The following ETV7 variants were observed in gnomAD, a reference collection of about 807,000 sequenced individuals.
ETV7 encodes transcription factor ETV7.
A neutral mutation model predicts 39.1 loss-of-function variants in ETV7; 43 were observed. That is an observed-to-expected ratio of 1.10 (90% CI 0.86 to 1.42). The LOEUF is 1.42. Among genes scored for constraint, ETV7 ranks in the 40% most tolerant of loss-of-function variants. The pLI, the probability that ETV7 is intolerant of heterozygous loss-of-function variation, is 0.00. For missense variants in ETV7, 432 were observed against 442.3 expected, an observed-to-expected ratio of 0.98 and a Z score of 0.21; for synonymous variants, 196 against 176.6, an observed-to-expected ratio of 1.11 and a Z score of -0.87.
intron 7 of ETV7, among the ~76,000 whole-genome samples, chr6:36,356,706 A>G (rs571409240): frequency 6.1e-4 from 93 of 152,350 alleles, no homozygotes; most frequent in African/African-American, 2.1e-3. Flanking sequence ...GCCCTCCCCA[A>G]CTGCTGGGGG....
intron 7 of ETV7, among the ~76,000 whole-genome samples, chr6:36,360,853 G>A (rs1772469815): frequency 6.6e-6 from 1 of 152,174 alleles, no homozygotes; most frequent in African/African-American, 2.4e-5. Flanking sequence ...GCAGAAGCCT[G>A]TGATTCTCCG....
rs1773462440 is a variant in ETV7 at position 36,378,017 on chromosome 6, C to T, written c.143-1982G>A. Among the ~76,000 whole-genome samples the T allele has an allele frequency of 6.6e-5, 10 of 152,294 alleles. No individual in the cohort carries two copies. The South Asian group carries it at 2.1e-3, about 32-fold the overall frequency. On this transcript the variant is annotated intron_variant, in intron 2 of 7. Coordinates refer to ENST00000340181, the MANE Select transcript of ETV7 (RefSeq NM_016135.4). ...CAGGAAAAAAGAATACATGTGAGAACTGGCCTCTGTGGTACTGCATGTGAC... is the reference window on the plus strand; with the variant it reads ...CAGGAAAAAAGAATACATGTGAGAATTGGCCTCTGTGGTACTGCATGTGAC...
downstream of ETV7, among the ~76,000 whole-genome samples, chr6:36,361,201 G>A (rs918449739): frequency 6.6e-6 from 1 of 152,218 alleles, no homozygotes. Context: ...CAAGTTCTGG[G>A]GCTGTCCCAT....
At chr6:36,375,221 C>T (rs531803747) in intron 3 of ETV7, among the ~76,000 whole-genome samples, 23 of 152,024 alleles carry the variant, frequency 1.5e-4, no homozygotes, top group Non-Finnish European at 1.5e-4. Flanking sequence ...AAAACATGAG[C>T]GAATTCTTAA....
chr6:36,368,616 A>C (rs1482537006), intron 6 of ETV7, among the ~76,000 whole-genome samples: 2 of 152,180 alleles, frequency 1.3e-5, no homozygotes, highest in Non-Finnish European at 2.9e-5. Flanking sequence ...AGCTCCCCGC[A>C]GGAAAGCAGC....
Position 36,375,992 on chromosome 6 carries a change from C to T in ETV7, c.186G>A (p.Trp62Ter), listed in dbSNP as rs749536650. ...ALWSREDVLHWLRWAEQEYSL... is the reference protein window; with the variant it reads ...ALWSREDVLH The stretch of plus-strand genomic sequence containing the variant: ...AGTACTCCTGCTCTGCCCAGCGCAG[C>T]CAGTGCAGCACGTCCTCCCTGCTCC... The change falls in exon 3 of 8, where the codon TGG becomes TGA. Residue 62 changes from tryptophan (W) to a stop codon, truncating the protein, a stop_gained. Transcript: ENST00000340181. LOFTEE classifies it high-confidence loss of function. 5.0e-6 allele frequency: 8 copies of T among 1,610,734 alleles called. No homozygotes were observed. The highest frequency in any genetic ancestry group is 3.3e-5 in the South Asian group (3 of 91,086).
intron 2 of ETV7, among the ~76,000 whole-genome samples, chr6:36,384,043 G>A (rs1035813692): frequency 6.6e-6 from 1 of 152,216 alleles, no homozygotes; most frequent in African/African-American, 2.4e-5. Context: ...GAAGGGAAGT[G>A]AGTGGATAAT....
intron 7 of ETV7, among the ~76,000 whole-genome samples, chr6:36,358,065 A>C (rs1230996736): frequency 6.6e-6 from 1 of 152,120 alleles, no homozygotes; most frequent in East Asian, 1.9e-4. Flanking sequence ...ACCAAGCTTT[A>C]TGTGGCCAAG....
intron 3 of ETV7, 134 bp from the exon 4 acceptor site, chr6:36,373,712 G>A: frequency 1.0e-6 from 1 of 999,130 alleles, no homozygotes; most frequent in Admixed American, 4.1e-5. Context: ...ATGGCAAAGG[G>A]GTTCCTGCTG....
downstream of ETV7, among the ~76,000 whole-genome samples, chr6:36,364,494 C>T (rs1208952569): frequency 2.6e-5 from 4 of 152,230 alleles, no homozygotes; most frequent in Non-Finnish European, 4.4e-5. Context: ...CCTCATTGCC[C>T]GGGGCTGGCA....
chr6:36,357,061 C>CT (rs900101203), intron 7 of ETV7, among the ~76,000 whole-genome samples: 54 of 152,138 alleles, frequency 3.5e-4, no homozygotes, highest in Middle Eastern at 6.8e-3. Flanking sequence ...CAAATTATCT[C>CT]TTTTTTTTGG....
intron 2 of ETV7, among the ~76,000 whole-genome samples, chr6:36,382,382 G>A (rs1773698794): frequency 6.6e-6 from 1 of 152,150 alleles, no homozygotes; most frequent in Non-Finnish European, 1.5e-5. Context: ...TAAATAAAAT[G>A]TGGTTCTCAA....
rs369995453 is a variant in ETV7 at position 36,369,074 on chromosome 6, G to A, written c.665-3C>T. The A allele has an allele frequency of 3.7e-6, 6 of 1,613,970 alleles. No homozygotes were observed. In the East Asian group the frequency reaches 8.9e-5, roughly 24 times the overall value. On this transcript the variant is annotated splice_region_variant and splice_polypyrimidine_tract_variant and intron_variant, in intron 5 of 7. Coordinates refer to ENST00000340181, the MANE Select transcript of ETV7 (RefSeq NM_016135.4). ...GTAATCCCACAGCAGGCGGCAGTCTGCAATTTAGCACAGGGAGTGCAGGCA... is the reference window on the plus strand; with the variant it reads ...GTAATCCCACAGCAGGCGGCAGTCTACAATTTAGCACAGGGAGTGCAGGCA...
At chr6:36,379,421 C>T (rs1331453602) in intron 2 of ETV7, among the ~76,000 whole-genome samples, 1 of 151,770 alleles carries the variant, frequency 6.6e-6, no homozygotes, top group Admixed American at 6.6e-5. Context: ...CATGGTGGTG[C>T]ATGCTTATAG....
chr6:36,377,967 A>C (rs1165258723), intron 2 of ETV7, among the ~76,000 whole-genome samples: 1 of 152,242 alleles, frequency 6.6e-6, no homozygotes, highest in Non-Finnish European at 1.5e-5. Flanking sequence ...TACATGTCTG[A>C]AATTGCCAAA....
At chr6:36,375,222 G>A (rs1227680882) in intron 3 of ETV7, among the ~76,000 whole-genome samples, 2 of 152,018 alleles carry the variant, frequency 1.3e-5, no homozygotes, top group African/African-American at 2.4e-5. Context: ...AAACATGAGC[G>A]AATTCTTAAG....
chr6:36,373,521 C>A lies in ETV7; in HGVS notation c.365G>T (p.Cys122Phe), dbSNP rs1314683685. 6.4e-7 allele frequency: 1 copy of A among 1,558,682 alleles called. No individual in the cohort carries two copies. The highest frequency in any genetic ancestry group is 1.2e-5 in the South Asian group (1 of 83,636). ...YIKTQRRALV[C>F]GPFFGGIFRL... Reference sequence around the variant, plus strand: ...GAAGATCCCTCCAAAAAAGGGCCCACACACCAGGGCTCGCCGCTGGGTCTT... The same window carrying A: ...GAAGATCCCTCCAAAAAAGGGCCCAAACACCAGGGCTCGCCGCTGGGTCTT... The change falls in exon 4 of 8, where the codon TGT becomes TTT. Residue 122 changes from cysteine to phenylalanine, a missense_variant. By Grantham distance (205) the Cys-to-Phe change is radical (BLOSUM62 -2). Transcript: ENST00000340181.
chr6:36,363,489 G>A (rs13196299), downstream of ETV7, among the ~76,000 whole-genome samples: 1 of 120,606 alleles, frequency 8.3e-6, no homozygotes. Flanking sequence ...TCCCGGTGGG[G>A]TCGTGGGCTC....
downstream of ETV7, among the ~76,000 whole-genome samples, chr6:36,363,346 T>C (rs1772582705): frequency 6.6e-6 from 1 of 151,386 alleles, no homozygotes; most frequent in Non-Finnish European, 1.5e-5. Flanking sequence ...GTTACAGCCC[T>C]TAAGGCACCG....
Sources: gnomAD v4.1 joint callset for allele counts (sites outside exome capture counted in the v4.1 genomes callset) on GRCh38, gnomAD v4.1.1 for gene constraint, MANE v1.5 for transcripts, NCBI Gene and HGNC (gene_info 2026-07-23, HGNC 2026-07-21) for gene names.